Variants in KCNQ5 observed in about 807,000 individuals in gnomAD.
KCNQ5 encodes the protein potassium voltage-gated channel subfamily Q member 5, also known as potassium voltage-gated channel subfamily KQT member 5.
In KCNQ5, 30 loss-of-function variants were observed where a neutral mutation model predicts 98.2. The ratio of observed to expected loss-of-function variants is 0.31; its 90% CI spans 0.23 to 0.41. The LOEUF is 0.41. KCNQ5 is among the 10% of genes least tolerant of loss of function. The pLI is 1.00. For synonymous variants in KCNQ5, 458 were observed against 449.4 expected, an observed-to-expected ratio of 1.02 and a Z score of -0.24; for missense variants, 835 against 1,182.5, an observed-to-expected ratio of 0.71 and a Z score of 4.31.
chr6:73,046,721 C>T (rs1450287504), intron 3 of KCNQ5, among the ~76,000 whole-genome samples: 3 of 151,502 alleles, frequency 2.0e-5, no homozygotes, highest in Non-Finnish European at 4.4e-5. Flanking sequence ...CAGCTCACTA[C>T]AACCTCCGCC....
chr6:73,093,380 TTTTG>T (rs1316440871), intron 5 of KCNQ5, among the ~76,000 whole-genome samples: 1 of 152,120 alleles, frequency 6.6e-6, no homozygotes, highest in Non-Finnish European at 1.5e-5. Context: ...ATCTTTTGTA[TTTTG>T]TTTGTTTGTT....
At chr6:72,696,849 A>G (rs950939495) in intron 1 of KCNQ5, among the ~76,000 whole-genome samples, 6 of 152,190 alleles carry the variant, frequency 3.9e-5, no homozygotes. Flanking sequence ...TGCATAAAGA[A>G]GAAATATATA....
chr6:73,015,135 G>A (rs933124230), intron 2 of KCNQ5, among the ~76,000 whole-genome samples: 6 of 152,216 alleles, frequency 3.9e-5, no homozygotes, highest in African/African-American at 1.2e-4. Context: ...TATGAGATAT[G>A]AAGCAATCAG....
intron 1 of KCNQ5, among the ~76,000 whole-genome samples, chr6:72,704,032 GC>G (rs937694495): frequency 6.6e-6 from 1 of 152,110 alleles, no homozygotes; most frequent in African/African-American, 2.4e-5. Context: ...ATGAGTCCTA[GC>G]TTAGTTCTTT....
intron 1 of KCNQ5, among the ~76,000 whole-genome samples, chr6:72,928,698 T>G (rs1765551464): frequency 6.6e-6 from 1 of 152,060 alleles, no homozygotes; most frequent in Admixed American, 6.6e-5. Context: ...GAGATATAGA[T>G]ATAGGTATGG....
rs543794288 is a variant in KCNQ5 at position 72,845,234 on chromosome 6, C to T, written c.399-158674C>T. Among the ~76,000 whole-genome samples, 21 of 152,134 alleles carry T rather than the reference C, an allele frequency of 1.4e-4. 1 individual carries two copies. In the South Asian group the frequency reaches 2.1e-3, roughly 15 times the overall value. ...AACAAATACTAGCAAAAAGAATGACCGTAAGCATTGGTCATTTGTCACTAG... is the reference window on the plus strand; with the variant it reads ...AACAAATACTAGCAAAAAGAATGACTGTAAGCATTGGTCATTTGTCACTAG... On this transcript the variant is annotated intron_variant, in intron 1 of 13. Coordinates refer to ENST00000370398, the MANE Select transcript of KCNQ5 (RefSeq NM_019842.4).
chr6:72,679,022 A>G (rs111827220), intron 1 of KCNQ5, among the ~76,000 whole-genome samples: 2,028 of 152,330 alleles, frequency 0.013, 33 homozygotes, highest in African/African-American at 0.042. Flanking sequence ...ATTTATAAAC[A>G]AGGACTTCAA....
At chr6:72,641,265 G>A (rs2098927031) in intron 1 of KCNQ5, among the ~76,000 whole-genome samples, 1 of 152,078 alleles carries the variant, frequency 6.6e-6, no homozygotes, top group Admixed American at 6.6e-5. Flanking sequence ...GAAAGAGTAT[G>A]TATAAATGTT....
intron 1 of KCNQ5, among the ~76,000 whole-genome samples, chr6:72,877,424 A>T (rs531230775): frequency 1.4e-4 from 21 of 152,196 alleles, no homozygotes; most frequent in Non-Finnish European, 2.9e-4. Context: ...ATAGTATCTC[A>T]TGGTGTATAT....
At chr6:72,916,916 A>C (rs951762) in intron 1 of KCNQ5, among the ~76,000 whole-genome samples, 93,435 of 152,020 alleles carry the variant, frequency 0.61, 29,255 homozygotes, top group East Asian at 0.77. Context: ...TTGAAGGGGG[A>C]TGGGTAGACC....
chr6:73,014,396 T>A (rs575022241), intron 2 of KCNQ5, among the ~76,000 whole-genome samples: 2 of 152,058 alleles, frequency 1.3e-5, no homozygotes, highest in Admixed American at 1.3e-4. Context: ...GGAATGCCAC[T>A]ATCAATTTTA....
chr6:72,997,421 A>T (rs867624886), intron 1 of KCNQ5, among the ~76,000 whole-genome samples: 28 of 151,994 alleles, frequency 1.8e-4, no homozygotes, highest in African/African-American at 6.8e-4. Flanking sequence ...TCCTCTTAAC[A>T]TCCCACATGT....
chr6:72,978,268 T>G (rs1411584486), intron 1 of KCNQ5, among the ~76,000 whole-genome samples: 4 of 152,238 alleles, frequency 2.6e-5, no homozygotes, highest in Non-Finnish European at 5.9e-5. Flanking sequence ...TTATTTTTCC[T>G]GGAAAAGACA....
chr6:72,783,496 A>G (rs1258201061), intron 1 of KCNQ5, among the ~76,000 whole-genome samples: 1 of 152,228 alleles, frequency 6.6e-6, no homozygotes, highest in Non-Finnish European at 1.5e-5. Flanking sequence ...ATATTCAGAT[A>G]AAGTTACCTG....
At chr6:72,898,164 T>A (rs981863553) in intron 1 of KCNQ5, among the ~76,000 whole-genome samples, 4 of 152,290 alleles carry the variant, frequency 2.6e-5, no homozygotes, top group Admixed American at 6.5e-5. Context: ...ATTTTTTTTT[T>A]AATTTTACTT....
At chr6:73,004,718 T>C (rs1279211798) in intron 2 of KCNQ5, among the ~76,000 whole-genome samples, 1 of 152,192 alleles carries the variant, frequency 6.6e-6, no homozygotes, top group Non-Finnish European at 1.5e-5. Flanking sequence ...AAAGTTTGGT[T>C]CATTTTCAAC....
At chr6:72,858,683 A>C (rs1473638415) in intron 1 of KCNQ5, among the ~76,000 whole-genome samples, 1 of 151,736 alleles carries the variant, frequency 6.6e-6, no homozygotes, top group Non-Finnish European at 1.5e-5. Flanking sequence ...TGTCTTTCTA[A>C]GAATAACTTT....
chr6:73,084,696 G>A (rs574213325), intron 5 of KCNQ5, among the ~76,000 whole-genome samples: 4 of 152,270 alleles, frequency 2.6e-5, no homozygotes, highest in African/African-American at 4.8e-5. Context: ...CCTAAAGATC[G>A]CATATGCAGC....
intron 1 of KCNQ5, among the ~76,000 whole-genome samples, chr6:72,660,960 T>G (rs1488272778): frequency 1.3e-5 from 2 of 152,098 alleles, no homozygotes; most frequent in Non-Finnish European, 2.9e-5. Flanking sequence ...CTTTTAAAAT[T>G]TATAGAGGTC....
Sources: allele counts gnomAD v4.1 joint callset (sites outside exome capture counted in the v4.1 genomes callset), GRCh38; gene constraint gnomAD v4.1.1; transcripts MANE v1.5; gene names NCBI Gene and HGNC (gene_info 2026-07-23, HGNC 2026-07-21).